Variants in CTNNA3 observed in about 807,000 individuals in gnomAD.
CTNNA3 encodes catenin alpha-3.
In CTNNA3, 76 loss-of-function variants were observed where a neutral mutation model predicts 95.7. The ratio of observed to expected loss-of-function variants is 0.79; its 90% CI spans 0.66 to 0.96. CTNNA3 has a LOEUF of 0.96. Among genes scored for constraint, CTNNA3 ranks in the 40% least tolerant of loss-of-function variants. The probability of loss-of-function intolerance (pLI) is 0.00; values close to 1 mark genes in which losing one functional copy is unlikely to be tolerated. For synonymous variants in CTNNA3, 431 were observed against 374.4 expected (o/e 1.15, Z -1.74); for missense variants, 1,191 against 1,089.8 (o/e 1.09, Z -1.31).
At chr10:67,483,258 C>T (rs1848307611) in intron 5 of CTNNA3, among the ~76,000 whole-genome samples, 1 of 150,614 alleles carries the variant, frequency 6.6e-6, no homozygotes, top group Non-Finnish European at 1.5e-5. Context: ...CCAGCCATCC[C>T]ATTACTGGGT....
At chr10:67,382,954 C>T (rs926523506) in intron 5 of CTNNA3, among the ~76,000 whole-genome samples, 15 of 152,246 alleles carry the variant, frequency 9.9e-5, no homozygotes, top group African/African-American at 3.4e-4. Flanking sequence ...GTCCCCAAGA[C>T]CCAAACCCTA....
intron 13 of CTNNA3, among the ~76,000 whole-genome samples, chr10:66,228,434 G>A (rs1044778314): frequency 1.3e-5 from 2 of 151,730 alleles, no homozygotes; most frequent in African/African-American, 2.4e-5. Context: ...GACCATTCAG[G>A]GGCACGTTGT....
intron 7 of CTNNA3, among the ~76,000 whole-genome samples, chr10:67,037,252 C>T (rs922345489): frequency 3.3e-5 from 5 of 151,844 alleles, no homozygotes; most frequent in Non-Finnish European, 7.4e-5. Context: ...AAAAATGTTA[C>T]TTTAGAGATA....
intron 12 of CTNNA3, among the ~76,000 whole-genome samples, chr10:66,318,276 A>ATATATATATATATATATG: frequency 7.3e-6 from 1 of 136,660 alleles, no homozygotes; most frequent in South Asian, 2.4e-4. Flanking sequence ...ATATATATAT[A>ATATATATATATATATATG]TGTGTGTGTG....
intron 13 of CTNNA3, among the ~76,000 whole-genome samples, chr10:66,130,797 A>G (rs1326150249): frequency 2.0e-5 from 3 of 151,462 alleles, no homozygotes; most frequent in African/African-American, 7.3e-5. Context: ...TGGAGGTTGC[A>G]GTAAGCCCAG....
At chr10:67,490,157 T>C (rs922702357) in intron 5 of CTNNA3, among the ~76,000 whole-genome samples, 1 of 152,212 alleles carries the variant, frequency 6.6e-6, no homozygotes, top group Non-Finnish European at 1.5e-5. Flanking sequence ...CTATTTCTCT[T>C]AATGTTAAGC....
At chr10:67,298,908 A>C (rs1840152184) in intron 5 of CTNNA3, among the ~76,000 whole-genome samples, 1 of 151,476 alleles carries the variant, frequency 6.6e-6, no homozygotes, top group African/African-American at 2.4e-5. Flanking sequence ...TAGTAGGAAT[A>C]GTCACTCTTC....
chr10:66,231,914 G>A (rs192170661), intron 13 of CTNNA3, among the ~76,000 whole-genome samples: 1 of 152,186 alleles, frequency 6.6e-6, no homozygotes, highest in African/African-American at 2.4e-5. Flanking sequence ...GATCAAATTA[G>A]TATTACTGAA....
intron 7 of CTNNA3, among the ~76,000 whole-genome samples, chr10:67,060,666 GTCTCTCTC>G (rs141445121): frequency 2.9e-3 from 433 of 150,510 alleles, no homozygotes; most frequent in Middle Eastern, 0.021. Flanking sequence ...ATGGGTTCCT[GTCTCTCTC>G]TCTCTCTCTT....
chr10:66,634,818 T>C (rs1253608117), intron 9 of CTNNA3, among the ~76,000 whole-genome samples: 3 of 152,132 alleles, frequency 2.0e-5, no homozygotes, highest in Non-Finnish European at 4.4e-5. Flanking sequence ...GAGGTATCAG[T>C]ATGCTGCGTC....
intron 10 of CTNNA3, among the ~76,000 whole-genome samples, chr10:66,585,138 T>C (rs1419094370): frequency 6.6e-6 from 1 of 152,102 alleles, no homozygotes; most frequent in Admixed American, 6.5e-5. Context: ...TGACTTTAGA[T>C]AGCCTGATGA....
intron 17 of CTNNA3, among the ~76,000 whole-genome samples, chr10:65,950,635 A>C (rs192984027): frequency 5.3e-5 from 8 of 152,330 alleles, no homozygotes; most frequent in Admixed American, 4.6e-4. Context: ...ACACAAGAGA[A>C]ATAATTAATC....
At chr10:66,192,284 T>G (rs991263057) in intron 13 of CTNNA3, among the ~76,000 whole-genome samples, 1 of 152,164 alleles carries the variant, frequency 6.6e-6, no homozygotes, top group Non-Finnish European at 1.5e-5. Context: ...TCCCAAGAAT[T>G]AAATATTTTC....
intron 2 of CTNNA3, among the ~76,000 whole-genome samples, chr10:67,646,599 A>G (rs1269963802): frequency 6.6e-6 from 1 of 152,076 alleles, no homozygotes. Context: ...CCATCTCACA[A>G]AAAAGATAAG....
intron 11 of CTNNA3, among the ~76,000 whole-genome samples, chr10:66,470,282 G>C (rs1839079039): frequency 6.6e-6 from 1 of 151,756 alleles, no homozygotes; most frequent in Non-Finnish European, 1.5e-5. Flanking sequence ...ACATGAAAGG[G>C]GAACGCACGA....
intron 7 of CTNNA3, among the ~76,000 whole-genome samples, chr10:66,975,925 T>C (rs2132850890): frequency 6.6e-6 from 1 of 152,352 alleles, no homozygotes; most frequent in East Asian, 1.9e-4. Flanking sequence ...ATAAAAGTCA[T>C]TTATTCTAAA....
In CTNNA3 at chr10:67,750,927, T is replaced by G. The variant is rs1841403636; in HGVS notation, c.-2+12507A>C. Reference sequence around the variant, plus strand: ...TTATGGCCTACAGCCCCCTAGGCTCTCCGGATAGACTTTGGGCCAAGCCAG... The same window carrying G: ...TTATGGCCTACAGCCCCCTAGGCTCGCCGGATAGACTTTGGGCCAAGCCAG... On this transcript the variant is annotated intron_variant, in intron 1 of 17. Transcript: ENST00000684154. 3.7e-6 allele frequency: 6 copies of G among 1,609,950 alleles called. No individual in the cohort carries two copies. The East Asian group carries it at 1.3e-4, about 36-fold the overall frequency.
chr10:66,764,346 A>G (rs902933193), intron 9 of CTNNA3, among the ~76,000 whole-genome samples: 8 of 152,192 alleles, frequency 5.3e-5, no homozygotes, highest in African/African-American at 1.7e-4. Context: ...AGCATTCCCA[A>G]GTGTTCCTCG....
intron 15 of CTNNA3, among the ~76,000 whole-genome samples, chr10:66,051,338 A>G (rs563455637): frequency 6.6e-6 from 1 of 152,378 alleles, no homozygotes; most frequent in East Asian, 1.9e-4. Flanking sequence ...ATGAATGAGC[A>G]CATGAATGAA....
Sources: gnomAD v4.1 joint callset for allele counts (sites outside exome capture counted in the v4.1 genomes callset) on GRCh38, gnomAD v4.1.1 for gene constraint, MANE v1.5 for transcripts, NCBI Gene and HGNC (gene_info 2026-07-23, HGNC 2026-07-21) for gene names.